Variants in AGBL1 observed in about 807,000 individuals in gnomAD.
AGBL1 encodes the protein AGBL carboxypeptidase 1, also known as cytosolic carboxypeptidase 4.
AGBL1 carries 130 observed loss-of-function variants against 118.9 expected under a neutral mutation model. The ratio of observed to expected loss-of-function variants is 1.09; its 90% CI spans 0.95 to 1.26. The LOEUF (loss-of-function observed/expected upper bound fraction) is 1.26, where lower values mean the gene tolerates loss of function less well. AGBL1 is among the 50% of genes most tolerant of loss of function. The pLI is 0.00. For missense variants in AGBL1, 1,584 were observed against 1,298.1 expected, an observed-to-expected ratio of 1.22 and a Z score of -3.38; for synonymous variants, 555 against 478.9, an observed-to-expected ratio of 1.16 and a Z score of -2.08.
At chr15:86,417,670 T>G (rs993357673) in intron 18 of AGBL1, among the ~76,000 whole-genome samples, 2 of 152,180 alleles carry the variant, frequency 1.3e-5, no homozygotes, top group African/African-American at 4.8e-5. Flanking sequence ...GCATCTACAT[T>G]GAGAGCTGAA....
At chr15:86,308,653 T>G (rs1310809332) in intron 17 of AGBL1, among the ~76,000 whole-genome samples, 1 of 152,232 alleles carries the variant, frequency 6.6e-6, no homozygotes, top group Non-Finnish European at 1.5e-5. Context: ...TATATTTAGT[T>G]TTCTCAACAA....
At chr15:86,475,601 G>A (rs2064925115) in intron 18 of AGBL1, among the ~76,000 whole-genome samples, 1 of 152,182 alleles carries the variant, frequency 6.6e-6, no homozygotes, top group African/African-American at 2.4e-5. Context: ...CGTCTGATTG[G>A]TTTACCTGAA....
chr15:86,521,657 A>G (rs557484629), intron 18 of AGBL1, among the ~76,000 whole-genome samples: 103 of 152,316 alleles, frequency 6.8e-4, no homozygotes, highest in African/African-American at 2.4e-3. Flanking sequence ...AGCCCCAGCC[A>G]AGACCTATGT....
chr15:86,625,363 G>GT (rs2084867359), intron 21 of AGBL1, among the ~76,000 whole-genome samples: 1 of 49,670 alleles, frequency 2.0e-5, no homozygotes. Flanking sequence ...GAAGAAATTA[G>GT]CGTTTTTTTT....
chr15:86,824,756 G>A (rs1181438513), intron 22 of AGBL1, among the ~76,000 whole-genome samples: 1 of 152,024 alleles, frequency 6.6e-6, no homozygotes, highest in Non-Finnish European at 1.5e-5. Flanking sequence ...CAATAGAACA[G>A]AAAAGAGAAT....
intron 17 of AGBL1, among the ~76,000 whole-genome samples, chr15:86,359,511 A>G (rs2141917905): frequency 6.8e-6 from 1 of 146,262 alleles, no homozygotes; most frequent in African/African-American, 2.5e-5. Flanking sequence ...TTTAAGATTG[A>G]TTTCTCTATT....
At chr15:86,504,292 T>C (rs1056410616) in intron 18 of AGBL1, among the ~76,000 whole-genome samples, 12 of 151,566 alleles carry the variant, frequency 7.9e-5, no homozygotes, top group African/African-American at 1.7e-4. Context: ...TTTTAACCCA[T>C]TGTGTCTTTG....
intron 5 of AGBL1, among the ~76,000 whole-genome samples, chr15:86,184,433 CTT>C (rs71144032): frequency 4.7e-4 from 64 of 136,018 alleles, no homozygotes; most frequent in Non-Finnish European, 5.0e-4. Context: ...TTTTTTCTTT[CTT>C]TTTTTTTTTT....
intron 5 of AGBL1, among the ~76,000 whole-genome samples, chr15:86,179,437 T>C (rs968892558): frequency 6.6e-5 from 10 of 152,158 alleles, no homozygotes; most frequent in African/African-American, 2.2e-4. Flanking sequence ...TGATTGATTA[T>C]ATAAAAAATT....
At chr15:86,990,782 C>T (rs2081330182) in intron 24 of AGBL1, among the ~76,000 whole-genome samples, 1 of 152,248 alleles carries the variant, frequency 6.6e-6, no homozygotes, top group East Asian at 1.9e-4. Context: ...CAAGGTCTAC[C>T]TCCGAAGGTG....
intron 22 of AGBL1, among the ~76,000 whole-genome samples, chr15:86,761,550 C>T (rs577699513): frequency 6.6e-6 from 1 of 152,056 alleles, no homozygotes; most frequent in South Asian, 2.1e-4. Flanking sequence ...AATTTGCTTC[C>T]ATTCAGTTAG....
intron 17 of AGBL1, among the ~76,000 whole-genome samples, chr15:86,340,294 G>GCCC (rs34405404): frequency 6.7e-6 from 1 of 149,268 alleles, no homozygotes; most frequent in Non-Finnish European, 1.5e-5. Context: ...TGCCTCCACT[G>GCCC]CCCCCCCCCC....
At chr15:86,844,227 G>C (rs946683763) in intron 22 of AGBL1, among the ~76,000 whole-genome samples, 1 of 152,132 alleles carries the variant, frequency 6.6e-6, no homozygotes, top group Non-Finnish European at 1.5e-5. Context: ...ACATGTTTCA[G>C]TTTTACTAGC....
At chr15:87,007,385 T>A (rs1243336341) in intron 24 of AGBL1, among the ~76,000 whole-genome samples, 4 of 152,210 alleles carry the variant, frequency 2.6e-5, no homozygotes, top group Non-Finnish European at 5.9e-5. Context: ...TTAGCTAAAC[T>A]ATTTCCTCAA....
At chr15:86,666,073 G>A (rs1431981764) in intron 21 of AGBL1, among the ~76,000 whole-genome samples, 2 of 152,060 alleles carry the variant, frequency 1.3e-5, no homozygotes, top group African/African-American at 2.4e-5. Flanking sequence ...TCTTCCAGAG[G>A]GGAATTTGTT....
At chr15:86,186,703 A>G (rs140969456) in intron 5 of AGBL1, among the ~76,000 whole-genome samples, 7 of 152,350 alleles carry the variant, frequency 4.6e-5, no homozygotes, top group African/African-American at 1.4e-4. Context: ...CAAGAATTTG[A>G]TCCATCGATA....
chr15:87,019,777 G>C (rs1946622), intron 24 of AGBL1, among the ~76,000 whole-genome samples: 58,391 of 151,632 alleles, frequency 0.39, 11,765 homozygotes, highest in East Asian at 0.51. Flanking sequence ...AAGATTAGAG[G>C]TGAACTGAAG....
intron 22 of AGBL1, among the ~76,000 whole-genome samples, chr15:86,897,924 C>T (rs1473879343): frequency 1.3e-5 from 2 of 151,738 alleles, no homozygotes; most frequent in African/African-American, 4.8e-5. Context: ...AGGCACGTGC[C>T]ACCATGACTA....
At chr15:86,418,715 G>T (rs1417735826) in intron 18 of AGBL1, among the ~76,000 whole-genome samples, 1 of 152,188 alleles carries the variant, frequency 6.6e-6, no homozygotes, top group African/African-American at 2.4e-5. Flanking sequence ...GGAGACCCCA[G>T]CTCCTGACTT....
Sources: gnomAD v4.1 joint callset for allele counts (sites outside exome capture counted in the v4.1 genomes callset) on GRCh38, gnomAD v4.1.1 for gene constraint, MANE v1.5 for transcripts, NCBI Gene and HGNC (gene_info 2026-07-23, HGNC 2026-07-21) for gene names.